Variants in CPXM2 observed in about 807,000 individuals in gnomAD.
CPXM2 encodes the protein carboxypeptidase X, M14 family member 2.
In CPXM2, 66 loss-of-function variants were observed where a neutral mutation model predicts 86.1. The observed-to-expected ratio is 0.77, with a 90% CI of 0.63 to 0.94. CPXM2 has a LOEUF of 0.94. Among genes scored for constraint, CPXM2 ranks in the 40% least tolerant of loss-of-function variants. CPXM2 has a pLI of 0.00. For synonymous variants in CPXM2, 388 were observed against 400.2 expected, an observed-to-expected ratio of 0.97 and a Z score of 0.36; for missense variants, 948 against 1,026.3, an observed-to-expected ratio of 0.92 and a Z score of 1.04.
At chr10:123,821,314 A>G (rs1156626347) in intron 4 of CPXM2, among the ~76,000 whole-genome samples, 2 of 152,344 alleles carry the variant, frequency 1.3e-5, no homozygotes, top group East Asian at 3.9e-4. Flanking sequence ...TCCACTTACC[A>G]TAATTAGGGT....
At chr10:123,827,871 A>G (rs1303293032) in intron 4 of CPXM2, among the ~76,000 whole-genome samples, 3 of 152,208 alleles carry the variant, frequency 2.0e-5, no homozygotes, top group Admixed American at 2.0e-4. Flanking sequence ...ACAGAACAGA[A>G]AAATAAATCA....
At chr10:123,751,916 T>C in intron 13 of CPXM2, 1 of 985,368 alleles carries the variant, frequency 1.0e-6, no homozygotes, top group Non-Finnish European at 1.2e-6. Context: ...CAAAACTGTC[T>C]CATTGATTGC....
chr10:123,931,562 G>A (rs530009150), intron 2 of CPXM2: 2 of 152,232 alleles, frequency 1.3e-5, no homozygotes, highest in African/African-American at 2.4e-5. Context: ...TTCTTATTGT[G>A]AGAGACATTT....
upstream of CPXM2, among the ~76,000 whole-genome samples, chr10:123,892,166 C>T (rs572034967): frequency 2.6e-5 from 4 of 152,316 alleles, no homozygotes; most frequent in South Asian, 8.3e-4. Flanking sequence ...CCCAAGCAGC[C>T]TCCAGCTCTC....
intron 2 of CPXM2, 46 bp from the exon 3 acceptor site, chr10:123,862,769 G>T: frequency 6.6e-7 from 1 of 1,511,804 alleles, no homozygotes; most frequent in South Asian, 1.1e-5. Flanking sequence ...GATGCTGAAA[G>T]GGATGAGTTT....
At chr10:123,901,475 T>TGTG (rs1479843234) in intron 2 of CPXM2, among the ~76,000 whole-genome samples, 1 of 76,126 alleles carries the variant, frequency 1.3e-5, no homozygotes, top group Middle Eastern at 6.9e-3. Flanking sequence ...GTGTGTGTGT[T>TGTG]TTCCCCTATG....
chr10:123,848,160 A>G (rs1254450522), intron 3 of CPXM2, among the ~76,000 whole-genome samples: 1 of 152,216 alleles, frequency 6.6e-6, no homozygotes, highest in Non-Finnish European at 1.5e-5. Flanking sequence ...GTTATCTAAA[A>G]AACGTTAGCT....
At chr10:123,806,945 T>G (rs773221934) in intron 4 of CPXM2, among the ~76,000 whole-genome samples, 1 of 152,274 alleles carries the variant, frequency 6.6e-6, no homozygotes, top group South Asian at 2.1e-4. Context: ...AAGACCAAAC[T>G]GAAATTCTAG....
In CPXM2 at chr10:123,752,795, A is replaced by G. The variant is rs117692747; in HGVS notation, c.2017+1868T>C. The G allele has an allele frequency of 6.2e-4, 107 of 173,432 alleles. 2 individuals carry two copies. In the East Asian group the frequency reaches 0.02, roughly 32 times the overall value. 10.7% of individuals were successfully genotyped at this position (173,432 alleles called of 1,614,324 possible). Reference sequence around the variant, plus strand: ...AACATCACGGACTGTTCATCCGCCCATTCACCAACAAGTATTTATCGAGCA... The same window carrying G: ...AACATCACGGACTGTTCATCCGCCCGTTCACCAACAAGTATTTATCGAGCA... On this transcript the variant is annotated intron_variant, in intron 13 of 13. Transcript: ENST00000241305.
At chr10:123,799,377 C>A (rs1293272868) in intron 4 of CPXM2, among the ~76,000 whole-genome samples, 178 bp from the exon 5 acceptor site, 4 of 152,188 alleles carry the variant, frequency 2.6e-5, no homozygotes, top group Admixed American at 1.3e-4. Flanking sequence ...CCATCTATGC[C>A]ACTATATATT....
intron 2 of CPXM2, among the ~76,000 whole-genome samples, chr10:123,870,291 G>A (rs1463995500): frequency 6.6e-6 from 1 of 152,156 alleles, no homozygotes; most frequent in Admixed American, 6.5e-5. Flanking sequence ...TTGCTTGATG[G>A]TGTTTGGGGT....
At chr10:123,814,198 A>G (rs1286221136) in intron 4 of CPXM2, among the ~76,000 whole-genome samples, 3 of 152,194 alleles carry the variant, frequency 2.0e-5, no homozygotes, top group African/African-American at 7.2e-5. Flanking sequence ...TTGCCAAAGG[A>G]GATTAACATC....
chr10:123,761,817 C>A, intron 11 of CPXM2, 55 bp downstream of exon 11: 2 of 1,539,840 alleles, frequency 1.3e-6, no homozygotes, highest in Non-Finnish European at 1.8e-6. Context: ...CAGGAGGAGA[C>A]CCCTGCAGCG....
chr10:123,922,367 T>G (rs1208288895), intron 2 of CPXM2, among the ~76,000 whole-genome samples: 3 of 152,186 alleles, frequency 2.0e-5, no homozygotes, highest in Non-Finnish European at 4.4e-5. Flanking sequence ...AGGGCAAACA[T>G]ATAAAGTTCA....
intron 2 of CPXM2, among the ~76,000 whole-genome samples, chr10:123,897,482 C>T (rs1288520535): frequency 6.6e-6 from 1 of 152,142 alleles, no homozygotes; most frequent in Non-Finnish European, 1.5e-5. Context: ...CTCCATCACT[C>T]ATGTTACAGT....
intron 4 of CPXM2, among the ~76,000 whole-genome samples, chr10:123,816,773 G>A (rs1847822439): frequency 6.6e-6 from 1 of 152,198 alleles, no homozygotes. Flanking sequence ...TACATCAGGG[G>A]TATATTAACT....
chr10:123,761,917 C>G lies in CPXM2; in HGVS notation c.1732G>C (p.Glu578Gln). 6.2e-7 allele frequency: 1 copy of G among 1,613,910 alleles called. No homozygotes were observed. Among genetic ancestry groups the G allele is most frequent in the Non-Finnish European group, 8.5e-7 (1 of 1,179,936 alleles). Residue 578 changes from glutamate to glutamine, a missense_variant, in exon 11 of 14, where the codon GAG (glutamate) becomes CAG (glutamine). Glu to Gln is a conservative substitution (Grantham distance 29, BLOSUM62 2). Transcript: ENST00000241305. ...GAGGCCCCATTGACAGTGCCCTCCTCCTTCTGGAAGTCCTCCGTGTGGCAC... is the reference window on the plus strand; with the variant it reads ...GAGGCCCCATTGACAGTGCCCTCCTGCTTCTGGAAGTCCTCCGTGTGGCAC... The part of the protein sequence containing the change: ...RVCHTEDFQK[E>Q]EGTVNGASWH...
At chr10:123,925,754 A>G (rs149738420) in intron 2 of CPXM2, among the ~76,000 whole-genome samples, 2,407 of 152,298 alleles carry the variant, frequency 0.016, 28 homozygotes, top group Non-Finnish European at 0.024. Flanking sequence ...AGACTATAAG[A>G]GTTATTCATT....
chr10:123,859,493 A>G (rs546885969), intron 3 of CPXM2, among the ~76,000 whole-genome samples: 260 of 152,292 alleles, frequency 1.7e-3, no homozygotes, highest in African/African-American at 5.9e-3. Context: ...CTGGGGCTGT[A>G]TGTCGAAGCC....
Sources: allele counts gnomAD v4.1 joint callset (sites outside exome capture counted in the v4.1 genomes callset), GRCh38; gene constraint gnomAD v4.1.1; transcripts MANE v1.5; gene names NCBI Gene and HGNC (gene_info 2026-07-23, HGNC 2026-07-21).